The following MSH4 variants were observed in gnomAD, a reference collection of about 807,000 sequenced individuals.
The protein encoded by MSH4 is mutS homolog 4, also known as mutS protein homolog 4.
MSH4 carries 106 observed loss-of-function variants against 113.7 expected under a neutral mutation model. The observed-to-expected ratio is 0.93, with a 90% confidence interval of 0.80 to 1.10. The LOEUF is 1.10. Ranked by LOEUF, MSH4 falls within the 50% of genes least tolerant of loss-of-function variation. The pLI is 0.00. For missense variants in MSH4, 1,061 were observed against 1,093.7 expected (o/e 0.97, Z 0.42); for synonymous variants, 368 against 380.2 (o/e 0.97, Z 0.37).
chr1:75,822,411 A>G lies in MSH4; in HGVS notation c.992A>G (p.Asn331Ser), dbSNP rs2100520670. 1 of 1,544,218 alleles carries G rather than the reference A, an allele frequency of 6.5e-7. No individual in the cohort carries two copies. Among genetic ancestry groups the G allele is most frequent in the Non-Finnish European group, 8.7e-7 (1 of 1,153,544 alleles). The stretch of plus-strand genomic sequence containing the variant: ...TGACATTTCTTGTGTTTTGAAAGGA[A>G]TAATCACACTCTCTTTGGTGTTCTA... Reference protein sequence around the residue: ...ELLINNQDYRNNHTLFGVLNY... With the variant: ...ELLINNQDYRSNHTLFGVLNY... The change falls in exon 7 of 20, where the codon AAT becomes AGT. Residue 331 changes from asparagine to serine, a missense_variant and splice_region_variant. Asn to Ser is a conservative substitution (Grantham distance 46, BLOSUM62 1). Coordinates refer to ENST00000263187, the MANE Select transcript of MSH4 (RefSeq NM_002440.4).
intron 9 of MSH4, among the ~76,000 whole-genome samples, chr1:75,874,571 C>T (rs753131114): frequency 6.6e-6 from 1 of 152,130 alleles, no homozygotes; most frequent in Non-Finnish European, 1.5e-5. Flanking sequence ...ATCCACCTGC[C>T]TCATCCTCCT....
At chr1:75,858,383 TATG>T in intron 8 of MSH4, among the ~76,000 whole-genome samples, 1 of 152,340 alleles carries the variant, frequency 6.6e-6, no homozygotes, top group African/African-American at 2.4e-5. Flanking sequence ...GCCCATTCAG[TATG>T]ATATTGGCTG....
intron 7 of MSH4, among the ~76,000 whole-genome samples, chr1:75,825,583 T>C (rs1650528805): frequency 6.6e-6 from 1 of 152,214 alleles, no homozygotes. Flanking sequence ...CCATTCAATA[T>C]GATATTGGCT....
In MSH4 at chr1:75,816,449, T is replaced by C; in HGVS notation, c.892T>C (p.Ser298Pro). 7 of 1,611,174 alleles carry C rather than the reference T, an allele frequency of 4.3e-6. No individual in the cohort carries two copies. Among genetic ancestry groups the C allele is most frequent in the Non-Finnish European group, 5.1e-6 (6 of 1,178,170 alleles). Residue 298 changes from serine (S) to proline (P), a missense_variant, in exon 6 of 20, where the codon TCA becomes CCA. Physicochemically the swap from Ser to Pro is moderately conservative, Grantham distance 74. Transcript: ENST00000263187. ...TCAAAATTCAGTTTATGCACCAAAA[T>C]CACTGAAGATTTGTTTCCAGGGTAG... is the stretch of plus-strand genomic sequence containing the variant. ...FIQNSVYAPK[S>P]LKICFQGSEQ... is the part of the protein sequence containing the mutation.
At chr1:75,802,359 G>A (rs1649957421) in intron 1 of MSH4, among the ~76,000 whole-genome samples, 2 of 152,228 alleles carry the variant, frequency 1.3e-5, no homozygotes, top group East Asian at 1.9e-4. Context: ...AAGCCCTGGA[G>A]GCCAACAGTT....
At chr1:75,833,319 A>G (rs1034018591) in intron 7 of MSH4, among the ~76,000 whole-genome samples, 4 of 152,216 alleles carry the variant, frequency 2.6e-5, no homozygotes, top group African/African-American at 7.2e-5. Flanking sequence ...TTCCATGCTC[A>G]TGGATAGGAA....
chr1:75,889,513 T>A (rs1375169265), intron 16 of MSH4, 144 bp downstream of exon 16: 3 of 410,652 alleles, frequency 7.3e-6, no homozygotes, highest in Non-Finnish European at 8.9e-6. Flanking sequence ...AAAGACAGCC[T>A]CCTAATTTCT....
chr1:75,889,319 G>T lies in MSH4; in HGVS notation c.2176G>T (p.Asp726Tyr). Reference sequence around the variant, plus strand: ...ACAGATTTTTACAAGAATTAGTACTGATGATGATATCGAAACAAATTCATC... The same window carrying T: ...ACAGATTTTTACAAGAATTAGTACTTATGATGATATCGAAACAAATTCATC... ...AKQIFTRIST[D>Y]DDIETNSSTF... Residue 726 changes from aspartate to tyrosine, a missense_variant, in exon 16 of 20, where the codon GAT (aspartate) becomes TAT (tyrosine). Coordinates refer to ENST00000263187, the MANE Select transcript of MSH4 (RefSeq NM_002440.4). 1 of 1,537,514 alleles carries T rather than the reference G, an allele frequency of 6.5e-7. No homozygotes were observed. The highest frequency in any genetic ancestry group is 8.9e-7 in the Non-Finnish European group (1 of 1,128,698).
intron 8 of MSH4, among the ~76,000 whole-genome samples, chr1:75,862,049 T>C (rs1340703048): frequency 6.6e-6 from 1 of 152,038 alleles, no homozygotes; most frequent in Non-Finnish European, 1.5e-5. Context: ...CTCAGACTGC[T>C]GAGCTACCAG....
At chr1:75,804,443 A>G (rs918647278) in intron 2 of MSH4, among the ~76,000 whole-genome samples, 34 of 151,854 alleles carry the variant, frequency 2.2e-4, no homozygotes, top group African/African-American at 8.0e-4. Context: ...ATGGTAGTTA[A>G]GTTTATATTA....
intron 7 of MSH4, among the ~76,000 whole-genome samples, chr1:75,830,731 A>G (rs11161699): frequency 0.22 from 33,902 of 152,080 alleles, 4,405 homozygotes; most frequent in Middle Eastern, 0.35. Context: ...TTTAAGACAA[A>G]CAAATGCTGA....
chr1:75,899,215 G>A (rs1012254820), intron 18 of MSH4, among the ~76,000 whole-genome samples: 3 of 152,124 alleles, frequency 2.0e-5, no homozygotes, highest in Non-Finnish European at 2.9e-5. Context: ...ATTTAGGTGG[G>A]TGAATGTTTA....
intron 8 of MSH4, among the ~76,000 whole-genome samples, chr1:75,859,100 G>A (rs552332836): frequency 2.0e-5 from 3 of 152,186 alleles, no homozygotes; most frequent in African/African-American, 4.8e-5. Flanking sequence ...CTGTGGGATC[G>A]ATGGTGATAT....
chr1:75,872,467 C>T (rs530140710), intron 9 of MSH4, among the ~76,000 whole-genome samples: 1 of 152,290 alleles, frequency 6.6e-6, no homozygotes, highest in East Asian at 1.9e-4. Context: ...GTGTAAGTGT[C>T]AAAGGTCTTA....
At chr1:75,827,369 G>A (rs1248219815) in intron 7 of MSH4, among the ~76,000 whole-genome samples, 1 of 152,214 alleles carries the variant, frequency 6.6e-6, no homozygotes, top group Non-Finnish European at 1.5e-5. Flanking sequence ...ACCAGTACCA[G>A]CCACTGTAAA....
chr1:75,799,530 C>T (rs944876676), intron 1 of MSH4, among the ~76,000 whole-genome samples: 1 of 152,194 alleles, frequency 6.6e-6, no homozygotes, highest in African/African-American at 2.4e-5. Context: ...AGAGTAAGTG[C>T]ACCTTGAACT....
At chr1:75,843,385 C>A (rs1292354013) in intron 7 of MSH4, among the ~76,000 whole-genome samples, 1 of 152,180 alleles carries the variant, frequency 6.6e-6, no homozygotes, top group East Asian at 1.9e-4. Context: ...GGGGCTGGAC[C>A]CTACAGAAAA....
chr1:75,826,964 C>T (rs975102203), intron 7 of MSH4, among the ~76,000 whole-genome samples: 1 of 152,130 alleles, frequency 6.6e-6, no homozygotes, highest in African/African-American at 2.4e-5. Context: ...CTATAGATGT[C>T]TATTAGGTCC....
chr1:75,908,300 C>T (rs1349780057), intron 19 of MSH4, among the ~76,000 whole-genome samples: 2 of 151,742 alleles, frequency 1.3e-5, no homozygotes, highest in Non-Finnish European at 2.9e-5. Context: ...TGTGCACCAC[C>T]ATGCCTGGCT....
Sources: allele counts gnomAD v4.1 joint callset (sites outside exome capture counted in the v4.1 genomes callset), GRCh38; gene constraint gnomAD v4.1.1; transcripts MANE v1.5; gene names NCBI Gene and HGNC (gene_info 2026-07-23, HGNC 2026-07-21).